Variants in CC2D1B observed in about 807,000 individuals in gnomAD.
CC2D1B encodes coiled-coil and C2 domain-containing protein 1B.
In CC2D1B, 92 loss-of-function variants were observed where a neutral mutation model predicts 110.8. That is an observed-to-expected ratio of 0.83 (90% CI 0.70 to 0.99). The LOEUF is 0.99. Among genes scored for constraint, CC2D1B ranks in the 50% least tolerant of loss-of-function variants. The probability of loss-of-function intolerance (pLI) is 0.00; values close to 1 mark genes in which losing one functional copy is unlikely to be tolerated. For synonymous variants in CC2D1B, 406 were observed against 429.2 expected (o/e 0.95, Z 0.67); for missense variants, 1,136 against 1,089.0 (o/e 1.04, Z -0.61).
chr1:52,364,572 C>G lies in CC2D1B; in HGVS notation c.49G>C (p.Gly17Arg). The G allele has an allele frequency of 6.2e-7, 1 of 1,606,646 alleles. No homozygotes were observed. Among genetic ancestry groups the G allele is most frequent in the Non-Finnish European group, 8.5e-7 (1 of 1,174,244 alleles). Residue 17 changes from glycine to arginine, a missense_variant, in exon 2 of 25, where the codon GGG becomes CGG. By Grantham distance (125) the Gly-to-Arg change is moderately radical. Coordinates refer to ENST00000284376, the MANE Select transcript of CC2D1B (RefSeq NM_001330585.2). The stretch of plus-strand genomic sequence containing the variant: ...CATACCTGCTTGGCAGCGGCCACCC[C>G]TTGGCCTCTGGCCTGAGGGCCCTTC... ...PRKGPQARGQ[G>R]VAAAKQMGLF...
intron 12 of CC2D1B, 42 bp downstream of exon 12, chr1:52,358,644 G>A (rs771492907): frequency 1.2e-6 from 2 of 1,600,538 alleles, no homozygotes; most frequent in South Asian, 1.1e-5. Flanking sequence ...TCTTGCCCAG[G>A]GACCACCTCC....
rs1433363056 is a variant in CC2D1B at position 52,353,090 on chromosome 1, G to C, written c.*135C>G. ...AAAGACCAGAGTCGTGGTCAGTAGT[G>C]CACATGCTTAACAGGTCTTTGGTGC... On this transcript the variant is annotated 3_prime_UTR_variant, in exon 25 of 25. Transcript: ENST00000284376. 1.4e-5 allele frequency: 12 copies of C among 878,238 alleles called. No individual in the cohort carries two copies. The Admixed American group carries it at 2.8e-4, about 21-fold the overall frequency. The allele number at this position is 878,238 out of a possible 1,614,324, so 54.4% of individuals were successfully genotyped here. A position where few individuals can be genotyped will look rare whatever the true frequency, so the allele number is the denominator to read the frequency against.
intron 5 of CC2D1B, 137 bp downstream of exon 5, chr1:52,360,836 GT>G: frequency 8.7e-7 from 1 of 1,144,072 alleles, no homozygotes; most frequent in Non-Finnish European, 1.3e-6. Flanking sequence ...CTTGTGCTCA[GT>G]TTCTGCTTGG....
chr1:52,357,969 G>C (rs547436802), intron 13 of CC2D1B, 71 bp from the exon 14 acceptor site: 190 of 1,514,222 alleles, frequency 1.3e-4, no homozygotes, highest in Admixed American at 6.4e-4. Flanking sequence ...CCCAGACTTG[G>C]GCTGTCTTCC....
chr1:52,366,177 G>A lies in CC2D1B; in HGVS notation c.-123C>T, dbSNP rs1646877108. 6.6e-6 allele frequency: 1 copy of A among 152,298 alleles called. No individual in the cohort carries two copies. The highest frequency in any genetic ancestry group is 1.5e-5 in the Non-Finnish European group (1 of 68,108). 9.4% of individuals were successfully genotyped at this position (152,298 alleles called of 1,614,324 possible). A position where few individuals can be genotyped will look rare whatever the true frequency, so the allele number is the denominator to read the frequency against. ...GCGACAGGAAGCGCCAGCAGGGGAG[G>A]TGGCTCGCGCGCAACACGTGACCCC... On this transcript the variant is annotated 5_prime_UTR_variant, in exon 1 of 25. Transcript: ENST00000284376.
chr1:52,362,059 T>G (rs1646792442), intron 3 of CC2D1B, among the ~76,000 whole-genome samples: 1 of 152,240 alleles, frequency 6.6e-6, no homozygotes, highest in Admixed American at 6.5e-5. Flanking sequence ...GATTCAAACC[T>G]AGGCTTGTGC....
chr1:52,361,489 G>A (rs561814301), intron 4 of CC2D1B, 24 bp downstream of exon 4: 1 of 1,613,388 alleles, frequency 6.2e-7, no homozygotes, highest in South Asian at 1.1e-5. Flanking sequence ...TCAGAGCCCT[G>A]GGATACCAGC....
At chr1:52,355,372 G>A (rs996607937) in intron 21 of CC2D1B, 26 bp downstream of exon 21, 36 of 1,612,806 alleles carry the variant, frequency 2.2e-5, no homozygotes, top group Non-Finnish European at 3.1e-5. Context: ...TGAGGGAGGA[G>A]AAAGAGGCCC....
intron 3 of CC2D1B, among the ~76,000 whole-genome samples, chr1:52,362,392 A>T (rs1364437953): frequency 1.3e-5 from 2 of 152,112 alleles, no homozygotes; most frequent in Non-Finnish European, 2.9e-5. Flanking sequence ...TCTGAGAAAC[A>T]CATTTGTCCA....
At chr1:52,358,613 A>C in intron 12 of CC2D1B, 73 bp downstream of exon 12, 1 of 1,567,160 alleles carries the variant, frequency 6.4e-7, no homozygotes, top group Non-Finnish European at 8.8e-7. Flanking sequence ...AGTGGGAATC[A>C]CTGGCTGTCC....
At position 52,360,538 on chromosome 1, in the gene CC2D1B, A is replaced by C. The variant is rs775970190; in HGVS notation, c.489T>G (p.Ser163=). Residue 163 remains serine (S), a synonymous_variant, in exon 6 of 25, where the codon TCT becomes TCG. Transcript: ENST00000284376. ...CCTCCAGCAAAGCGTGTAGCCCCTGAGATGCTCCGGCCTATGAACAATTCA... is the reference window on the plus strand; with the variant it reads ...CCTCCAGCAAAGCGTGTAGCCCCTGCGATGCTCCGGCCTATGAACAATTCA... The part of the protein sequence containing the change: ...ASAPAAQAGA[S]QGLHALLEER... 2 of 1,613,970 alleles carry C rather than the reference A, an allele frequency of 1.2e-6. No homozygotes were observed. The highest frequency in any genetic ancestry group is 3.3e-5 in the Admixed American group (2 of 60,000).
chr1:52,354,973 G>T (rs772150622), intron 21 of CC2D1B, 34 bp from the exon 22 acceptor site: 37 of 1,552,754 alleles, frequency 2.4e-5, no homozygotes, highest in Non-Finnish European at 2.9e-5. Context: ...GAGGGGCTTG[G>T]CTCTCGGGAT....
chr1:52,360,698 C>T, intron 5 of CC2D1B, 149 bp from the exon 6 acceptor site: 1 of 1,225,446 alleles, frequency 8.2e-7, no homozygotes, highest in South Asian at 1.5e-5. Context: ...CAAAGGCTCA[C>T]TGGAGAGGCC....
rs373099868 is a variant in CC2D1B at position 52,354,909 on chromosome 1, T to C, written c.2270A>G (p.Asn757Ser). The change falls in exon 22 of 25, where the codon AAC (asparagine) becomes AGC (serine). Residue 757 changes from asparagine (N) to serine (S), a missense_variant. By Grantham distance (46) the Asn-to-Ser change is conservative. Transcript: ENST00000284376. The stretch of plus-strand genomic sequence containing the variant: ...CCTCTTGAAGCCCCGGTGGTTTCGG[T>C]TGATGTTTAGTTTGAAGAGTTGATC... ...EFDQLFKLNI[N>S]RNHRGFKRVI... The C allele has an allele frequency of 3.7e-5, 60 of 1,613,994 alleles. No homozygotes were observed. Among genetic ancestry groups the C allele is most frequent in the South Asian group, 2.6e-4 (24 of 91,084 alleles).
intron 5 of CC2D1B, 113 bp from the exon 6 acceptor site, chr1:52,360,662 G>A: frequency 1.4e-6 from 2 of 1,454,216 alleles, no homozygotes; most frequent in Non-Finnish European, 9.3e-7. Flanking sequence ...GGAGAAAGAA[G>A]AGCCTAAAAG....
In CC2D1B at chr1:52,360,993, G is replaced by T; in HGVS notation, c.458C>A (p.Ala153Asp). 1.2e-6 allele frequency: 2 copies of T among 1,614,150 alleles called. No homozygotes were observed. The highest frequency in any genetic ancestry group is 1.7e-6 in the Non-Finnish European group (2 of 1,180,018). ...EPPVQTAVLT[A>D]SAPAAQAGAS... ...ACCCACCTGAGCTGCTGGGGCTGAA[G>T]CTGTCAGGACGGCTGTCTGCACTGG... The change falls in exon 5 of 25, where the codon GCT becomes GAT. Residue 153 changes from alanine (A) to aspartate (D), a missense_variant. Ala to Asp is a moderately radical substitution (Grantham distance 126). Coordinates refer to ENST00000284376, the MANE Select transcript of CC2D1B (RefSeq NM_001330585.2).
rs1444892058 is a variant in CC2D1B, at chr1:52,351,017, G to T, written c.*2208C>A. 1 of 152,296 alleles carries T rather than the reference G, an allele frequency of 6.6e-6. No individual in the cohort carries two copies. The highest frequency in any genetic ancestry group is 1.5e-5 in the Non-Finnish European group (1 of 68,072). The allele number at this position is 152,296 out of a possible 1,614,324, so 9.4% of individuals were successfully genotyped here. A position where few individuals can be genotyped will look rare whatever the true frequency, so the allele number is the denominator to read the frequency against. ...CTGCCTCAGCTTTCCAAAGTGGTGG[G>T]ATTACAGGCGTGAGCCACTGTGTCC... On this transcript the variant is annotated 3_prime_UTR_variant, in exon 25 of 25. Coordinates refer to ENST00000284376, the MANE Select transcript of CC2D1B (RefSeq NM_001330585.2).
rs553210515 is a variant in CC2D1B, at chr1:52,352,977, C to A, written c.*248G>T. On this transcript the variant is annotated 3_prime_UTR_variant, in exon 25 of 25. Coordinates refer to ENST00000284376, the MANE Select transcript of CC2D1B (RefSeq NM_001330585.2). The stretch of plus-strand genomic sequence containing the variant: ...GGAATGGAAGTGTCCTTGCCCTCTT[C>A]CAGACTCGGGGCAGGGGGAGACAGC... 1.3e-5 allele frequency: 5 copies of A among 372,980 alleles called. No homozygotes were observed. The East Asian group carries it at 3.7e-4, about 28-fold the overall frequency. 23.1% of individuals were successfully genotyped at this position (372,980 alleles called of 1,614,324 possible).
intron 1 of CC2D1B, 25 bp from the exon 2 acceptor site, chr1:52,364,659 G>C: frequency 6.6e-7 from 1 of 1,526,596 alleles, no homozygotes; most frequent in Non-Finnish European, 9.0e-7. Context: ...CAGAGATTCA[G>C]GCTGGAGTAG....
Sources: allele counts gnomAD v4.1 joint callset (sites outside exome capture counted in the v4.1 genomes callset), GRCh38; gene constraint gnomAD v4.1.1; transcripts MANE v1.5; gene names NCBI Gene and HGNC (gene_info 2026-07-23, HGNC 2026-07-21).